The following SBNO2 variants were observed in gnomAD, a reference collection of about 807,000 sequenced individuals.
SBNO2 encodes the protein strawberry notch homolog 2.
Under a neutral mutation model 146.3 loss-of-function variants are expected in SBNO2, and 89 were observed. The observed-to-expected ratio is 0.61, with a 90% confidence interval of 0.51 to 0.73. SBNO2 has a LOEUF of 0.73. SBNO2 is among the 30% of genes least tolerant of loss of function. The pLI, the probability that SBNO2 is intolerant of heterozygous loss-of-function variation, is 0.00. For synonymous variants in SBNO2, 1,147 were observed against 892.6 expected (o/e 1.29, Z -5.08); for missense variants, 2,092 against 2,003.7 (o/e 1.04, Z -0.84).
intron 5 of SBNO2, among the ~76,000 whole-genome samples, chr19:1,125,660 CGA>C (rs1273708092): frequency 7.1e-6 from 1 of 141,460 alleles, no homozygotes; most frequent in Non-Finnish European, 1.5e-5. Flanking sequence ...GCGACAAGAG[CGA>C]GAGACTCTGT....
intron 19 of SBNO2, among the ~76,000 whole-genome samples, chr19:1,113,171 A>C (rs1315631087): frequency 6.6e-6 from 1 of 152,090 alleles, no homozygotes; most frequent in Non-Finnish European, 1.5e-5. Flanking sequence ...CGAAGTGAAA[A>C]AGTGAAGCTG....
Position 1,150,949 on chromosome 19 carries a change from C to T in SBNO2, c.94-1507G>A, listed in dbSNP as rs1313205889. 6.6e-6 allele frequency among the ~76,000 whole-genome samples: 1 copy of T among 152,210 alleles called. No individual in the cohort carries two copies. The highest frequency in any genetic ancestry group is 1.5e-5 in the Non-Finnish European group (1 of 68,024). On this transcript the variant is annotated intron_variant, in intron 2 of 31. Coordinates refer to ENST00000361757, the MANE Select transcript of SBNO2 (RefSeq NM_014963.3). The surrounding 1 kb of genome is among the most constrained non-coding windows in gnomAD (Gnocchi z 6.2). ...TAAGTTTATCAGCAAAAGCCCACAGCTCCTCCCCTGCACAGAGGCCGGCAG... is the reference window on the plus strand; with the variant it reads ...TAAGTTTATCAGCAAAAGCCCACAGTTCCTCCCCTGCACAGAGGCCGGCAG...
chr19:1,114,766 G>A (rs1282706730), intron 17 of SBNO2, among the ~76,000 whole-genome samples: 2 of 150,566 alleles, frequency 1.3e-5, no homozygotes, highest in African/African-American at 4.9e-5. Flanking sequence ...TCCTGAGTAG[G>A]TGGGATTACA....
chr19:1,141,098 C>T (rs1009168750), intron 4 of SBNO2, among the ~76,000 whole-genome samples: 11 of 151,730 alleles, frequency 7.2e-5, no homozygotes, highest in African/African-American at 2.4e-4. Flanking sequence ...GGAGAAGACG[C>T]GCCCCGGAGA....
rs781471532 is a variant in SBNO2, at chr19:1,114,390, G to A, written c.1918C>T (p.Arg640Trp). 1.5e-5 allele frequency: 23 copies of A among 1,547,684 alleles called. No individual in the cohort carries two copies. The highest frequency in any genetic ancestry group is 5.9e-5 in the Admixed American group (3 of 51,114). The change falls in exon 18 of 32, where the codon CGG becomes TGG. Residue 640 changes from arginine to tryptophan, a missense_variant. Coordinates refer to ENST00000361757, the MANE Select transcript of SBNO2 (RefSeq NM_014963.3). ...ACGCCCGCTGTCTCGCACGCCAGCC[G>A]GGGGGCTTTGGCCCCGCGTCCCCGA... ...RPRGRGAKAP[R>W]LACETAGVIR...
intron 4 of SBNO2, among the ~76,000 whole-genome samples, chr19:1,145,966 T>A (rs948267418): frequency 6.6e-6 from 1 of 151,234 alleles, no homozygotes; most frequent in African/African-American, 2.4e-5. Context: ...GGCCCGGGAG[T>A]CTGAGGCCAA....
rs1235149882 is a variant in SBNO2 at position 1,122,264 on chromosome 19, T to C, written c.1024A>G (p.Thr342Ala). 6.4e-7 allele frequency: 1 copy of C among 1,572,974 alleles called. No individual in the cohort carries two copies. Among genetic ancestry groups the C allele is most frequent in the Non-Finnish European group, 8.6e-7 (1 of 1,159,138 alleles). The change falls in exon 11 of 32, where the codon ACT becomes GCT. Residue 342 changes from threonine (T) to alanine (A), a missense_variant. Coordinates refer to ENST00000361757, the MANE Select transcript of SBNO2 (RefSeq NM_014963.3). ...GCGAAGAGGACGCCCTCTGAGGTAG[T>C]GGTGTCACCGTACTTGATCTGGGGA... The part of the protein sequence containing the change: ...ALSKIKYGDT[T>A]TSEGVLFATY...
chr19:1,124,535 G>A (rs894442889), intron 5 of SBNO2, among the ~76,000 whole-genome samples: 1 of 152,200 alleles, frequency 6.6e-6, no homozygotes, highest in Admixed American at 6.5e-5. Flanking sequence ...TCCCTCACCC[G>A]ATGGCTCCCA....
chr19:1,111,301 G>A (rs1322419135), intron 24 of SBNO2, among the ~76,000 whole-genome samples: 1 of 152,152 alleles, frequency 6.6e-6, no homozygotes, highest in Non-Finnish European at 1.5e-5. Context: ...CAAACCCCAG[G>A]CCCCTCAGCT....
chr19:1,108,226 A>G lies in SBNO2; in HGVS notation c.4095T>C (p.Pro1365=). 2 of 1,527,024 alleles carry G rather than the reference A, an allele frequency of 1.3e-6. No homozygotes were observed. Among genetic ancestry groups the G allele is most frequent in the Non-Finnish European group, 1.8e-6 (2 of 1,134,974 alleles). 94.6% of individuals were successfully genotyped at this position (1,527,024 alleles called of 1,614,324 possible). A position where few individuals can be genotyped will look rare whatever the true frequency, so the allele number is the denominator to read the frequency against. ...TGTTTCGCCTAAAGGCGTGTCAGAGAGGAGCCTGGGCGCCGGGGAAGGGTG... is the reference window on the plus strand; with the variant it reads ...TGTTTCGCCTAAAGGCGTGTCAGAGGGGAGCCTGGGCGCCGGGGAAGGGTG... ...FSPPFPGAQA[P]L The change falls in exon 32 of 32, where the codon CCT becomes CCC. Residue 1365 remains proline, a synonymous_variant. Coordinates refer to ENST00000361757, the MANE Select transcript of SBNO2 (RefSeq NM_014963.3).
At position 1,112,398 on chromosome 19, in the gene SBNO2, T is replaced by G; in HGVS notation, c.2515+4A>C. 6.3e-7 allele frequency: 1 copy of G among 1,599,862 alleles called. No individual in the cohort carries two copies. Among genetic ancestry groups the G allele is most frequent in the Non-Finnish European group, 8.5e-7 (1 of 1,176,282 alleles). ...GGCAGCGCTGGGGGCGGGGCCGGAC[T>G]CACCGAACTGCTGGATGGCGCGGTC... On this transcript the variant is annotated splice_donor_region_variant and intron_variant, in intron 21 of 31. Transcript: ENST00000361757. This position sits in a 1 kb window ranked among gnomAD's most constrained non-coding sequence, Gnocchi z 5.9.
At chr19:1,127,840 G>T in intron 4 of SBNO2, 75 bp from the exon 5 acceptor site, 3 of 1,405,248 alleles carry the variant, frequency 2.1e-6, no homozygotes, top group Non-Finnish European at 3.0e-6. Flanking sequence ...GAGCACGTGG[G>T]GATGGGAGAC....
chr19:1,172,778 G>GCCCCCCACCCC (rs2080491572), intron 1 of SBNO2, among the ~76,000 whole-genome samples: 1 of 36,316 alleles, frequency 2.8e-5, no homozygotes, highest in Non-Finnish European at 4.5e-5. Context: ...CACTGCAACC[G>GCCCCCCACCCC]CCCCCCCCGC....
rs1457943163 is a variant in SBNO2, at chr19:1,173,207, T to A, written c.-127+965A>T. 1.3e-5 allele frequency among the ~76,000 whole-genome samples: 2 copies of A among 151,336 alleles called. No individual in the cohort carries two copies. Among genetic ancestry groups the A allele is most frequent in the African/African-American group, 2.4e-5 (1 of 41,162 alleles). ...CGGGACTCTGGGGTGGTGGGAAGAG[T>A]GCCCTACGGGGGACAGGACCCACCA... is the stretch of plus-strand genomic sequence containing the variant. On this transcript the variant is annotated intron_variant, in intron 1 of 31. Coordinates refer to ENST00000361757, the MANE Select transcript of SBNO2 (RefSeq NM_014963.3). The surrounding 1 kb of genome is among the most constrained non-coding windows in gnomAD (Gnocchi z 4.7).
chr19:1,111,451 C>T, intron 24 of SBNO2, 55 bp downstream of exon 24: 2 of 1,234,592 alleles, frequency 1.6e-6, no homozygotes, highest in Non-Finnish European at 2.3e-6. Context: ...GCTCTGGAGC[C>T]CAGTGCTCTG....
intron 1 of SBNO2, among the ~76,000 whole-genome samples, chr19:1,163,813 G>A (rs562097405): frequency 6.6e-6 from 1 of 152,304 alleles, no homozygotes; most frequent in East Asian, 1.9e-4. Context: ...CCCGGCAGGA[G>A]GGCAGGAGCC....
intron 4 of SBNO2, among the ~76,000 whole-genome samples, chr19:1,130,503 T>G (rs1201181144): frequency 7.2e-6 from 1 of 139,774 alleles, no homozygotes; most frequent in Non-Finnish European, 1.6e-5. Flanking sequence ...AAAAAAAAGT[T>G]AAAAGTCAAG....
Position 1,173,950 on chromosome 19 carries a change from T to G in SBNO2, c.-127+222A>C, listed in dbSNP as rs1013843269. On this transcript the variant is annotated intron_variant, in intron 1 of 31. Transcript: ENST00000361757. The surrounding 1 kb of genome is among the most constrained non-coding windows in gnomAD (Gnocchi z 4.7). The stretch of plus-strand genomic sequence containing the variant: ...GGGGGCAGGTCAAGGTTCACGGCGG[T>G]GGTCGCGGGGCAGCGCGGGGTCAAC... Among the ~76,000 whole-genome samples the G allele has an allele frequency of 3.1e-5, 3 of 96,162 alleles. No individual in the cohort carries two copies. The highest frequency in any genetic ancestry group is 2.1e-5 in the Non-Finnish European group (1 of 47,398). The allele number at this position is 96,162 out of a possible 152,430, so 63.1% of individuals were successfully genotyped here.
rs1007808856 is a variant in SBNO2, at chr19:1,124,387, T to C, written c.442-365A>G. Among the ~76,000 whole-genome samples the C allele has an allele frequency of 5.3e-5, 8 of 152,282 alleles. No individual in the cohort carries two copies. The South Asian group carries it at 6.2e-4, about 12-fold the overall frequency. ...GCCAGGAAGGCTGTGGACAGGGGTCTGACAGGAGAGACCCACTGTGTGCCA... is the reference window on the plus strand; with the variant it reads ...GCCAGGAAGGCTGTGGACAGGGGTCCGACAGGAGAGACCCACTGTGTGCCA... On this transcript the variant is annotated intron_variant, in intron 5 of 31. Coordinates refer to ENST00000361757, the MANE Select transcript of SBNO2 (RefSeq NM_014963.3).
Sources: gnomAD v4.1 joint callset for allele counts (sites outside exome capture counted in the v4.1 genomes callset) on GRCh38, gnomAD v4.1.1 for gene constraint, Gnocchi (gnomAD v3.1) non-coding constraint, MANE v1.5 for transcripts, NCBI Gene and HGNC (gene_info 2026-07-23, HGNC 2026-07-21) for gene names.